PCDH15: variants seen among roughly 807,000 people sequenced by gnomAD.
PCDH15 encodes protocadherin-15.
In PCDH15, 129 loss-of-function variants were observed where a neutral mutation model predicts 178.5. That is an observed-to-expected ratio of 0.72 (90% CI 0.63 to 0.84). The LOEUF (loss-of-function observed/expected upper bound fraction) is 0.84, where lower values mean the gene tolerates loss of function less well. Among genes scored for constraint, PCDH15 ranks in the 40% least tolerant of loss-of-function variants. The pLI, the probability that PCDH15 is intolerant of heterozygous loss-of-function variation, is 0.00. For synonymous variants in PCDH15, 800 were observed against 732.0 expected (o/e 1.09, Z -1.50); for missense variants, 2,230 against 2,099.9 (o/e 1.06, Z -1.21).
chr10:54,396,100 C>A (rs1054297401), intron 3 of PCDH15, among the ~76,000 whole-genome samples: 1 of 152,142 alleles, frequency 6.6e-6, no homozygotes, highest in African/African-American at 2.4e-5. Context: ...TATCCCCCTT[C>A]CCCTCTAAAC....
chr10:55,500,149 TAAG>T (rs149397210), intron 2 of PCDH15, among the ~76,000 whole-genome samples: 3,412 of 151,722 alleles, frequency 0.022, 125 homozygotes, highest in African/African-American at 0.076. Context: ...ATACATCAGA[TAAG>T]AACAGCAGAA....
intron 2 of PCDH15, among the ~76,000 whole-genome samples, chr10:54,572,670 G>A (rs142383461): frequency 5.3e-5 from 8 of 152,156 alleles, no homozygotes; most frequent in African/African-American, 1.9e-4. Context: ...TTTCCAAATG[G>A]AATCCATTAC....
intron 8 of PCDH15, among the ~76,000 whole-genome samples, chr10:54,297,099 G>T (rs879908035): frequency 6.6e-6 from 1 of 152,080 alleles, no homozygotes; most frequent in African/African-American, 2.4e-5. Context: ...AGGGGTTTCT[G>T]CTGCCACGTC....
At chr10:53,822,430 CAAGAGGAGCAGGAGCAGG>C (rs1564534058) in intron 32 of PCDH15, 14 of 1,578,278 alleles carry the variant, frequency 8.9e-6, no homozygotes, top group African/African-American at 1.4e-5. Context: ...GGAGGAGGAG[CAAGAGGAGCAGGAGCAGG>C]AGGAGGAGAA....
intron 2 of PCDH15, among the ~76,000 whole-genome samples, chr10:55,583,419 CTA>C (rs1298918860): frequency 6.6e-6 from 1 of 152,008 alleles, no homozygotes; most frequent in African/African-American, 2.4e-5. Context: ...GATCTTAACA[CTA>C]TCTTATTTAT....
chr10:55,434,351 C>T (rs759231032), intron 2 of PCDH15, among the ~76,000 whole-genome samples: 9 of 151,620 alleles, frequency 5.9e-5, no homozygotes, highest in Non-Finnish European at 1.2e-4. Flanking sequence ...CCACCACGCC[C>T]GGCCAATTCT....
chr10:54,613,154 C>T lies in PCDH15; in HGVS notation c.91+51018G>A, dbSNP rs79887383. Among the ~76,000 whole-genome samples the T allele has an allele frequency of 9.2e-5, 14 of 151,838 alleles. No individual in the cohort carries two copies. In the East Asian group the frequency reaches 2.3e-3, roughly 25 times the overall value. On this transcript the variant is annotated intron_variant, in intron 2 of 37. Transcript: ENST00000644397. Reference sequence around the variant, plus strand: ...ACGGCATTGCTATGTTTTTAAAGCACGCTTTAGAGAGTGAAAGAGTTCACT... The same window carrying T: ...ACGGCATTGCTATGTTTTTAAAGCATGCTTTAGAGAGTGAAAGAGTTCACT...
chr10:54,653,429 C>T (rs1410443975), intron 2 of PCDH15, among the ~76,000 whole-genome samples: 2 of 152,238 alleles, frequency 1.3e-5, no homozygotes, highest in East Asian at 1.9e-4. Flanking sequence ...CTAGGCAGTC[C>T]AAACTGAAGG....
chr10:54,233,085 A>G (rs917493214), intron 9 of PCDH15, among the ~76,000 whole-genome samples: 7 of 151,920 alleles, frequency 4.6e-5, no homozygotes, highest in African/African-American at 1.7e-4. Context: ...CTGAGGCCAC[A>G]GGTGCACACC....
chr10:54,655,204 C>T (rs1430248845), intron 2 of PCDH15, among the ~76,000 whole-genome samples: 7 of 124,076 alleles, frequency 5.6e-5, no homozygotes, highest in African/African-American at 9.3e-5. Flanking sequence ...AGCGAGACTC[C>T]GTCAAAAAAA....
At chr10:54,352,307 T>C (rs1433141960) in intron 5 of PCDH15, among the ~76,000 whole-genome samples, 2 of 152,280 alleles carry the variant, frequency 1.3e-5, no homozygotes, top group South Asian at 4.1e-4. Context: ...TTTTATGTAA[T>C]AGACACAACT....
chr10:55,188,406 T>C (rs1839855467), intron 1 of PCDH15, among the ~76,000 whole-genome samples: 2 of 151,952 alleles, frequency 1.3e-5, no homozygotes, highest in African/African-American at 4.8e-5. Flanking sequence ...GATCATCAGT[T>C]ACTTTTTCTG....
chr10:55,595,525 C>A (rs1438182642), intron 2 of PCDH15, among the ~76,000 whole-genome samples: 1 of 151,984 alleles, frequency 6.6e-6, no homozygotes, highest in African/African-American at 2.4e-5. Context: ...GGCCAAGGAC[C>A]CAGACATCAG....
chr10:55,530,464 T>C (rs922528495), intron 2 of PCDH15, among the ~76,000 whole-genome samples: 1 of 151,980 alleles, frequency 6.6e-6, no homozygotes, highest in Non-Finnish European at 1.5e-5. Context: ...GAGCCAAATC[T>C]TGAGTGAGGA....
intron 18 of PCDH15, among the ~76,000 whole-genome samples, chr10:54,051,123 C>T (rs981238868): frequency 6.6e-6 from 1 of 152,086 alleles, no homozygotes; most frequent in East Asian, 1.9e-4. Flanking sequence ...TAAGTATCCC[C>T]GTCTCGAGTA....
At chr10:54,266,328 T>C (rs7094733) in intron 8 of PCDH15, among the ~76,000 whole-genome samples, 106,726 of 151,644 alleles carry the variant, frequency 0.7, 38,448 homozygotes, top group Middle Eastern at 0.77. Flanking sequence ...GAGGAAAAAT[T>C]ATAGTGCTAA....
At chr10:55,316,435 G>A (rs1843723667) in intron 1 of PCDH15, among the ~76,000 whole-genome samples, 1 of 152,078 alleles carries the variant, frequency 6.6e-6, no homozygotes, top group African/African-American at 2.4e-5. Context: ...GTTTATATCA[G>A]TTCTTAATAT....
chr10:55,001,860 A>T (rs1371328722), intron 2 of PCDH15, among the ~76,000 whole-genome samples: 1 of 152,176 alleles, frequency 6.6e-6, no homozygotes, highest in Non-Finnish European at 1.5e-5. Flanking sequence ...TGACAATTAT[A>T]TTGACTGGGA....
At position 55,157,585 on chromosome 10, in the gene PCDH15, G is replaced by C. The variant is rs1174829278; in HGVS notation, c.-80+8991C>G. 2.0e-5 allele frequency among the ~76,000 whole-genome samples: 3 copies of C among 151,340 alleles called. No homozygotes were observed. In the East Asian group the frequency reaches 5.8e-4, roughly 29 times the overall value. On this transcript the variant is annotated intron_variant, in intron 2 of 5. Transcript: ENST00000458638. ...GTCCAACAATGATAGACTGGATTAA[G>C]AAAATGTGGCACATATACACCATGG...
Sources: gnomAD v4.1 joint callset for allele counts (sites outside exome capture counted in the v4.1 genomes callset) on GRCh38, gnomAD v4.1.1 for gene constraint, MANE v1.5 for transcripts, NCBI Gene and HGNC (gene_info 2026-07-23, HGNC 2026-07-21) for gene names.